SEPTIN9: variants seen among roughly 807,000 people sequenced by gnomAD.
SEPTIN9 encodes the protein septin 9.
SEPTIN9 carries 13 observed loss-of-function variants against 56.6 expected under a neutral mutation model. That is an observed-to-expected ratio of 0.23 (90% CI 0.15 to 0.37). SEPTIN9 has a LOEUF of 0.37. Among genes scored for constraint, SEPTIN9 ranks in the 10% least tolerant of loss-of-function variants. SEPTIN9 has a pLI of 1.00. For synonymous variants in SEPTIN9, 332 were observed against 334.1 expected (o/e 0.99, Z 0.07); for missense variants, 650 against 823.1 (o/e 0.79, Z 2.57).
chr17:77,482,028 T>A, intron 3 of SEPTIN9, 116 bp from the exon 4 acceptor site: 1 of 1,029,154 alleles, frequency 9.7e-7, no homozygotes, highest in Non-Finnish European at 1.4e-6. Context: ...TCGCTTAGCC[T>A]TTCTGAGCCT....
intron 2 of SEPTIN9, among the ~76,000 whole-genome samples, chr17:77,341,644 G>A (rs543301778): frequency 6.6e-6 from 1 of 152,090 alleles, no homozygotes; most frequent in African/African-American, 2.4e-5. Context: ...GCGTGGTGGC[G>A]GGTGCCTGTA....
At chr17:77,496,713 GCAATGTTTAGCATTGCTGATT>G (rs2143466151) in intron 10 of SEPTIN9, among the ~76,000 whole-genome samples, 1 of 152,358 alleles carries the variant, frequency 6.6e-6, no homozygotes, top group South Asian at 2.1e-4. Flanking sequence ...ATGTCCCTGA[GCAATGTTTAGCATTGCTGATT>G]CTTGAGCTTG....
At chr17:77,464,405 G>A (rs758485760) in intron 3 of SEPTIN9, among the ~76,000 whole-genome samples, 61 of 152,066 alleles carry the variant, frequency 4.0e-4, no homozygotes, top group Non-Finnish European at 8.8e-4. Context: ...TTCACACAGA[G>A]CATCCAGTCA....
At chr17:77,387,284 C>G (rs2035370234) in intron 2 of SEPTIN9, among the ~76,000 whole-genome samples, 1 of 152,234 alleles carries the variant, frequency 6.6e-6, no homozygotes, top group Non-Finnish European at 1.5e-5. Context: ...TGCGTCACGC[C>G]ACTCCCTGCT....
At chr17:77,358,950 G>A (rs915648934) in intron 2 of SEPTIN9, among the ~76,000 whole-genome samples, 3 of 152,164 alleles carry the variant, frequency 2.0e-5, no homozygotes, top group Non-Finnish European at 4.4e-5. Flanking sequence ...AGGACAGCCC[G>A]GACCTAGTTC....
chr17:77,455,634 C>T (rs1437213778), intron 3 of SEPTIN9, among the ~76,000 whole-genome samples: 1 of 152,208 alleles, frequency 6.6e-6, no homozygotes, highest in African/African-American at 2.4e-5. Flanking sequence ...ACCTGCACGC[C>T]CCCTCCAAGG....
In SEPTIN9 at chr17:77,445,928, T is replaced by C. The variant is rs2037722433; in HGVS notation, c.722-36216T>C. 1 of 172,972 alleles carries C rather than the reference T, an allele frequency of 5.8e-6. No homozygotes were observed. Among genetic ancestry groups the C allele is most frequent in the Admixed American group, 5.9e-5 (1 of 16,854 alleles). The allele number at this position is 172,972 out of a possible 1,614,324, so 10.7% of individuals were successfully genotyped here. A position where few individuals can be genotyped will look rare whatever the true frequency, so the allele number is the denominator to read the frequency against. On this transcript the variant is annotated intron_variant, in intron 3 of 11. Coordinates refer to ENST00000427177, the MANE Select transcript of SEPTIN9 (RefSeq NM_001113491.2). This position sits in a 1 kb window ranked among gnomAD's most constrained non-coding sequence, Gnocchi z 4.7. Reference sequence around the variant, plus strand: ...TTCTCAGCTTTGAGATGAGTCTCTGTGGATGTGGGAAGTTCACTATCTCAA... The same window carrying C: ...TTCTCAGCTTTGAGATGAGTCTCTGCGGATGTGGGAAGTTCACTATCTCAA...
At chr17:77,482,106 CCT>C in intron 3 of SEPTIN9, 36 bp from the exon 4 acceptor site, 1 of 1,528,156 alleles carries the variant, frequency 6.5e-7, no homozygotes, top group Non-Finnish European at 8.8e-7. Flanking sequence ...TGTGTGAGCC[CCT>C]GTTCCGCTCT....
At position 77,435,109 on chromosome 17, in the gene SEPTIN9, G is replaced by A. The variant is rs963804468; in HGVS notation, c.721+32406G>A. Among the ~76,000 whole-genome samples the A allele has an allele frequency of 2.0e-5, 3 of 152,158 alleles. No individual in the cohort carries two copies. The highest frequency in any genetic ancestry group is 4.4e-5 in the Non-Finnish European group (3 of 68,038). On this transcript the variant is annotated intron_variant, in intron 3 of 11. Transcript: ENST00000427177. This position sits in a 1 kb window ranked among gnomAD's most constrained non-coding sequence, Gnocchi z 4.5. ...CCAACAACACTGTGAAATTGATTCTGTTGTTATTCCCATTTCACCGATGAG... is the reference window on the plus strand; with the variant it reads ...CCAACAACACTGTGAAATTGATTCTATTGTTATTCCCATTTCACCGATGAG...
At chr17:77,304,863 G>C (rs1239275672) in intron 1 of SEPTIN9, among the ~76,000 whole-genome samples, 2 of 152,178 alleles carry the variant, frequency 1.3e-5, no homozygotes, top group Non-Finnish European at 2.9e-5. Flanking sequence ...GGTGTGTGAA[G>C]GGGGTGCTCA....
Position 77,476,633 on chromosome 17 carries a change from G to C in SEPTIN9, c.722-5511G>C, listed in dbSNP as rs560379266. Among the ~76,000 whole-genome samples, 27 of 152,358 alleles carry C rather than the reference G, an allele frequency of 1.8e-4. No individual in the cohort carries two copies. The East Asian group carries it at 5.0e-3, about 28-fold the overall frequency. On this transcript the variant is annotated intron_variant, in intron 3 of 11. Transcript: ENST00000427177. This position sits in a 1 kb window ranked among gnomAD's most constrained non-coding sequence, Gnocchi z 6.0. Reference sequence around the variant, plus strand: ...TGGGGGCAGTCCCCATCACGGGACCGGTGACCTACTGCCACCAGCGCCAGT... The same window carrying C: ...TGGGGGCAGTCCCCATCACGGGACCCGTGACCTACTGCCACCAGCGCCAGT...
intron 3 of SEPTIN9, among the ~76,000 whole-genome samples, chr17:77,417,342 TAGAA>T (rs891187018): frequency 7.2e-5 from 11 of 152,066 alleles, no homozygotes; most frequent in African/African-American, 2.7e-4. Flanking sequence ...ACGAGGTAAT[TAGAA>T]AGAGGAGGCC....
chr17:77,484,473 T>C (rs1406527794), intron 4 of SEPTIN9, among the ~76,000 whole-genome samples: 2 of 146,744 alleles, frequency 1.4e-5, no homozygotes, highest in Non-Finnish European at 3.0e-5. Flanking sequence ...GTGGTGGTGG[T>C]GGTGATGATG....
At chr17:77,300,677 A>G (rs1424084272) in intron 1 of SEPTIN9, among the ~76,000 whole-genome samples, 2 of 151,672 alleles carry the variant, frequency 1.3e-5, no homozygotes, top group African/African-American at 4.9e-5. Context: ...AAGCCTGTGC[A>G]TCCTGGACGC....
chr17:77,355,704 C>T (rs559092154), intron 2 of SEPTIN9, among the ~76,000 whole-genome samples: 48 of 151,816 alleles, frequency 3.2e-4, no homozygotes, highest in Non-Finnish European at 4.7e-4. Flanking sequence ...GCTCCCTGGC[C>T]GGGCGCGGTG....
At chr17:77,423,919 G>A (rs1304664810) in intron 3 of SEPTIN9, among the ~76,000 whole-genome samples, 6 of 151,600 alleles carry the variant, frequency 4.0e-5, no homozygotes, top group Non-Finnish European at 7.4e-5. Flanking sequence ...GAGGGTGGCC[G>A]CCCGCCCTGA....
At chr17:77,418,110 C>T (rs8066646) in intron 3 of SEPTIN9, among the ~76,000 whole-genome samples, 56,296 of 152,018 alleles carry the variant, frequency 0.37, 10,958 homozygotes, top group African/African-American at 0.41. Context: ...AGCCCCTTGA[C>T]AGCCTCTCAG....
intron 2 of SEPTIN9, among the ~76,000 whole-genome samples, chr17:77,333,284 C>A (rs1211222857): frequency 6.6e-6 from 1 of 152,216 alleles, no homozygotes; most frequent in African/African-American, 2.4e-5. Context: ...CTTTTCAAAT[C>A]TGTTGCTCAT....
chr17:77,389,863 C>T lies in SEPTIN9; in HGVS notation c.77-12196C>T, dbSNP rs757166179. ...GTTTAGAACCCGGGGGTGGGGGGAG[C>T]GCTAGACCAGTGCAGCACATCTGAG... On this transcript the variant is annotated intron_variant, in intron 2 of 11. Coordinates refer to ENST00000427177, the MANE Select transcript of SEPTIN9 (RefSeq NM_001113491.2). The surrounding 1 kb of genome is among the most constrained non-coding windows in gnomAD (Gnocchi z 4.3). Among the ~76,000 whole-genome samples, 1 of 152,294 alleles carries T rather than the reference C, an allele frequency of 6.6e-6. No individual in the cohort carries two copies. Among genetic ancestry groups the T allele is most frequent in the East Asian group, 1.9e-4 (1 of 5,176 alleles).
Sources: gnomAD v4.1 joint callset for allele counts (sites outside exome capture counted in the v4.1 genomes callset) on GRCh38, gnomAD v4.1.1 for gene constraint, Gnocchi (gnomAD v3.1) non-coding constraint, MANE v1.5 for transcripts, NCBI Gene and HGNC (gene_info 2026-07-23, HGNC 2026-07-21) for gene names.